Variants in IQSEC1 observed in about 807,000 individuals in gnomAD.
IQSEC1 encodes IQ motif and SEC7 domain-containing protein 1.
IQSEC1 carries 31 observed loss-of-function variants against 91.0 expected under a neutral mutation model. The ratio of observed to expected loss-of-function variants is 0.34; its 90% CI spans 0.26 to 0.46. IQSEC1 has a LOEUF of 0.46. IQSEC1 is among the 20% of genes least tolerant of loss of function. The pLI is 1.00. For synonymous variants in IQSEC1, 699 were observed against 662.6 expected (o/e 1.05, Z -0.84); for missense variants, 1,388 against 1,575.6 (o/e 0.88, Z 2.02).
chr3:13,177,995 C>T (rs921524206), intron 1 of IQSEC1, among the ~76,000 whole-genome samples: 2 of 152,268 alleles, frequency 1.3e-5, no homozygotes. Context: ...CATCCCTGAA[C>T]AGCTAGGCTC....
rs1270640019 is a variant in IQSEC1 at position 12,970,028 on chromosome 3, A to G, written c.24-28163T>C. ...TGCAGAAATGACCAGACTGGTCAGA[A>G]TCCTTGCATGCACCATTCAGGCAAA... On this transcript the variant is annotated intron_variant, in intron 1 of 13. Coordinates refer to ENST00000613206, the MANE Select transcript of IQSEC1 (RefSeq NM_001134382.3). The surrounding 1 kb of genome is among the most constrained non-coding windows in gnomAD (Gnocchi z 4.4). Among the ~76,000 whole-genome samples the G allele has an allele frequency of 6.6e-6, 1 of 152,238 alleles. No individual in the cohort carries two copies. Among genetic ancestry groups the G allele is most frequent in the Non-Finnish European group, 1.5e-5 (1 of 68,040 alleles).
At chr3:13,073,731 G>A (rs114835873), upstream of IQSEC1, among the ~76,000 whole-genome samples, 4,319 of 152,372 alleles carry the variant, frequency 0.028, 101 homozygotes, top group Non-Finnish European at 0.042. Flanking sequence ...AGACACGCGA[G>A]CCGCGGAGCT....
intron 1 of IQSEC1, among the ~76,000 whole-genome samples, chr3:13,204,987 G>T: frequency 6.6e-6 from 1 of 151,850 alleles, no homozygotes; most frequent in East Asian, 1.9e-4. Flanking sequence ...TAGTAGAAAA[G>T]AGGTTTCACC....
In IQSEC1 at chr3:12,970,228, C is replaced by T. The variant is rs1348220528; in HGVS notation, c.24-28363G>A. Among the ~76,000 whole-genome samples the T allele has an allele frequency of 2.0e-5, 3 of 152,234 alleles. No individual in the cohort carries two copies. Among genetic ancestry groups the T allele is most frequent in the Non-Finnish European group, 2.9e-5 (2 of 68,026 alleles). The stretch of plus-strand genomic sequence containing the variant: ...TGACAAGTATTCCCCAGTATGGTGT[C>T]GTGACAGTGGAGGAAAGAGCTTGTA... On this transcript the variant is annotated intron_variant, in intron 1 of 13. Coordinates refer to ENST00000613206, the MANE Select transcript of IQSEC1 (RefSeq NM_001134382.3). The surrounding 1 kb of genome is among the most constrained non-coding windows in gnomAD (Gnocchi z 4.4).
chr3:12,961,717 G>A (rs1261053199), intron 1 of IQSEC1, among the ~76,000 whole-genome samples: 1 of 152,134 alleles, frequency 6.6e-6, no homozygotes, highest in Non-Finnish European at 1.5e-5. Flanking sequence ...CAAACTTCTC[G>A]GGCCTAAAAC....
In IQSEC1 at chr3:12,901,357, C is replaced by T. The variant is rs1445990402; in HGVS notation, c.2971G>A (p.Ala991Thr). The change falls in exon 14 of 14, where the codon GCC becomes ACC. Residue 991 changes from alanine to threonine, a missense_variant. Ala to Thr is a moderately conservative substitution (Grantham distance 58). Transcript: ENST00000613206. ...ACCGGTGGGTGGGGGGGTGGCAGGG[C>T]TGGGGCTGAGGGCAGGTGGGCCTGG... is the stretch of plus-strand genomic sequence containing the variant. The part of the protein sequence containing the change: ...PPQAHLPSAP[A>T]LPPPHPPVVL... The T allele has an allele frequency of 1.3e-6, 2 of 1,529,382 alleles. No individual in the cohort carries two copies. The highest frequency in any genetic ancestry group is 4.9e-5 in the East Asian group (2 of 40,460). The allele number at this position is 1,529,382 out of a possible 1,614,324, so 94.7% of individuals were successfully genotyped here.
Position 13,282,153 on chromosome 3 carries a change from C to A in IQSEC1, c.272+558G>T, listed in dbSNP as rs1302611225. On this transcript the variant is annotated intron_variant, in intron 1 of 15. Transcript: ENST00000648114. This position sits in a 1 kb window ranked among gnomAD's most constrained non-coding sequence, Gnocchi z 6.4. ...CAGGGCGAGGCAGTCGGGAATTAAC[C>A]CCAGCCTTGAAGTAAGAGACAGAGG... Among the ~76,000 whole-genome samples, 1 of 152,176 alleles carries A rather than the reference C, an allele frequency of 6.6e-6. No homozygotes were observed. Among genetic ancestry groups the A allele is most frequent in the Non-Finnish European group, 1.5e-5 (1 of 68,022 alleles).
chr3:13,053,242 T>C, intron 1 of IQSEC1: 1 of 597,518 alleles, frequency 1.7e-6, no homozygotes, highest in East Asian at 2.8e-5. Context: ...CATGAGCTTC[T>C]CTGCCACCTG....
intron 2 of IQSEC1, among the ~76,000 whole-genome samples, chr3:13,154,296 C>A (rs145315206): frequency 6.6e-6 from 1 of 150,510 alleles, no homozygotes; most frequent in African/African-American, 2.4e-5. Context: ...CTGCCAGACA[C>A]GCACAAGGGC....
intron 1 of IQSEC1, among the ~76,000 whole-genome samples, chr3:13,041,894 A>G (rs771736294): frequency 6.6e-6 from 1 of 152,166 alleles, no homozygotes; most frequent in Admixed American, 6.5e-5. Context: ...GTGCTTAGGG[A>G]GGAGGCAGGC....
chr3:13,169,328 T>C (rs1375687609), intron 1 of IQSEC1, among the ~76,000 whole-genome samples: 1 of 152,232 alleles, frequency 6.6e-6, no homozygotes, highest in Non-Finnish European at 1.5e-5. Context: ...TCTGCTATGA[T>C]TGTGAGGCCT....
chr3:12,976,855 C>G (rs1701199377), intron 1 of IQSEC1, among the ~76,000 whole-genome samples: 1 of 152,186 alleles, frequency 6.6e-6, no homozygotes, highest in African/African-American at 2.4e-5. Context: ...AGGTAGGTCT[C>G]CTTCCCTCTC....
chr3:12,900,896 G>A lies in IQSEC1; in HGVS notation c.*87C>T, dbSNP rs775893815. The A allele has an allele frequency of 7.6e-5, 116 of 1,535,560 alleles. No homozygotes were observed. The highest frequency in any genetic ancestry group is 8.8e-5 in the Non-Finnish European group (101 of 1,146,444). The stretch of plus-strand genomic sequence containing the variant: ...GGAGAGATGGCAACAGAAGTGCCCC[G>A]GGTTTGGTGTGCGGCTGGCGACCCC... On this transcript the variant is annotated 3_prime_UTR_variant, in exon 14 of 14. Coordinates refer to ENST00000613206, the MANE Select transcript of IQSEC1 (RefSeq NM_001134382.3).
At chr3:13,095,685 T>G (rs1034324192) in intron 2 of IQSEC1, among the ~76,000 whole-genome samples, 12 of 151,732 alleles carry the variant, frequency 7.9e-5, no homozygotes, top group African/African-American at 2.7e-4. Context: ...GTAAAAGAGG[T>G]GGGGACGTCC....
At chr3:13,281,550 C>G (rs906513308) in intron 1 of IQSEC1, among the ~76,000 whole-genome samples, 4 of 152,174 alleles carry the variant, frequency 2.6e-5, no homozygotes, top group Non-Finnish European at 4.4e-5. Flanking sequence ...CCGCCCAGAG[C>G]CAGCACACCC....
rs919958570 is a variant in IQSEC1, at chr3:12,967,740, AGGGCGGGGGCG to A, written c.24-25886_24-25876del. 3.8e-6 allele frequency: 4 copies of A among 1,047,968 alleles called. No homozygotes were observed. The highest frequency in any genetic ancestry group is 5.5e-5 in the Admixed American group (1 of 18,124). 64.9% of individuals were successfully genotyped at this position (1,047,968 alleles called of 1,614,324 possible). A position where few individuals can be genotyped will look rare whatever the true frequency, so the allele number is the denominator to read the frequency against. On this transcript the variant is annotated intron_variant, in intron 1 of 13. Transcript: ENST00000613206. This position sits in a 1 kb window ranked among gnomAD's most constrained non-coding sequence, Gnocchi z 5.9. ...AATGTGGCCCTGAAGTGGGCGGGGCAGGGCGGGGGCGGGGCCGGAGGGCGAGCTGGGGGCGG... is the reference window on the plus strand; with the variant it reads ...AATGTGGCCCTGAAGTGGGCGGGGCAGGGCCGGAGGGCGAGCTGGGGGCGG...
intron 1 of IQSEC1, among the ~76,000 whole-genome samples, chr3:13,181,793 T>C (rs1478644398): frequency 6.6e-6 from 1 of 152,240 alleles, no homozygotes; most frequent in African/African-American, 2.4e-5. Context: ...TTGGATATGT[T>C]TTGAGTGACT....
intron 1 of IQSEC1, among the ~76,000 whole-genome samples, chr3:12,955,947 A>T (rs557173498): frequency 6.6e-6 from 1 of 152,170 alleles, no homozygotes; most frequent in Non-Finnish European, 1.5e-5. Flanking sequence ...TCCACAAAAC[A>T]TGCTCTCTGT....
intron 1 of IQSEC1, among the ~76,000 whole-genome samples, chr3:13,164,996 G>A (rs1693459978): frequency 6.6e-6 from 1 of 152,208 alleles, no homozygotes; most frequent in Non-Finnish European, 1.5e-5. Flanking sequence ...ACGGAAGTCA[G>A]AGCACATGCT....
Sources: allele counts gnomAD v4.1 joint callset (sites outside exome capture counted in the v4.1 genomes callset), GRCh38; gene constraint gnomAD v4.1.1; non-coding constraint Gnocchi (gnomAD v3.1); transcripts MANE v1.5; gene names NCBI Gene and HGNC (gene_info 2026-07-23, HGNC 2026-07-21).